The following RABGAP1L variants were observed in gnomAD, a reference collection of about 807,000 sequenced individuals.
RABGAP1L encodes RAB GTPase activating protein 1 like.
A neutral mutation model predicts 137.7 loss-of-function variants in RABGAP1L; 63 were observed. That is an observed-to-expected ratio of 0.46 (90% CI 0.37 to 0.56). The LOEUF is 0.56. RABGAP1L is among the 20% of genes least tolerant of loss of function. The pLI is 0.00. For missense variants in RABGAP1L, 1,095 were observed against 1,244.0 expected (o/e 0.88, Z 1.80); for synonymous variants, 431 against 433.7 (o/e 0.99, Z 0.08).
intron 13 of RABGAP1L, among the ~76,000 whole-genome samples, chr1:174,396,413 AC>A (rs1303308620): frequency 6.6e-6 from 1 of 152,076 alleles, no homozygotes; most frequent in Non-Finnish European, 1.5e-5. Context: ...TATCTTTTTT[AC>A]ATCCTATCTA....
At chr1:174,801,053 G>A (rs2987874) in intron 18 of RABGAP1L, among the ~76,000 whole-genome samples, 63,320 of 152,022 alleles carry the variant, frequency 0.42, 15,423 homozygotes, top group Non-Finnish European at 0.54. Context: ...GCTTAAAGCT[G>A]CTGGCTTCTG....
chr1:174,631,909 G>T (rs1260596592), intron 13 of RABGAP1L, among the ~76,000 whole-genome samples: 1 of 131,432 alleles, frequency 7.6e-6, no homozygotes, highest in East Asian at 2.2e-4. Context: ...AGTTAATATT[G>T]TTATGTGTGA....
At chr1:174,360,392 A>C (rs1166472207) in intron 11 of RABGAP1L, among the ~76,000 whole-genome samples, 2 of 152,194 alleles carry the variant, frequency 1.3e-5, no homozygotes, top group Non-Finnish European at 2.9e-5. Flanking sequence ...CTGAAACATA[A>C]TTGCTATTAA....
chr1:174,443,935 C>G (rs1004583017), intron 13 of RABGAP1L, among the ~76,000 whole-genome samples: 2 of 151,958 alleles, frequency 1.3e-5, no homozygotes, highest in Non-Finnish European at 2.9e-5. Flanking sequence ...ATGGAAGACA[C>G]TGTCTTTTCA....
rs1260538388 is a variant in RABGAP1L at position 174,434,104 on chromosome 1, CACAT to C, written c.1710+39963_1710+39966del. Among the ~76,000 whole-genome samples the C allele has an allele frequency of 2.0e-3, 270 of 135,050 alleles. 1 individual carries two copies. Among genetic ancestry groups the C allele is most frequent in the African/African-American group, 8.3e-3 (261 of 31,420 alleles). 88.6% of individuals were successfully genotyped at this position (135,050 alleles called of 152,430 possible). On this transcript the variant is annotated intron_variant, in intron 13 of 25. Coordinates refer to ENST00000681986, the MANE Select transcript of RABGAP1L (RefSeq NM_001366446.1). ...GTGTGCACATGAGCGCATGCGTGTACACATACACACACACACACACACACACACA... is the reference window on the plus strand; with the variant it reads ...GTGTGCACATGAGCGCATGCGTGTACACACACACACACACACACACACACA...
At chr1:174,511,626 G>GTTTTTT (rs774802995) in intron 13 of RABGAP1L, among the ~76,000 whole-genome samples, 1 of 139,938 alleles carries the variant, frequency 7.1e-6, no homozygotes, top group Non-Finnish European at 1.6e-5. Context: ...TCTTTCTTTT[G>GTTTTTT]TTTTTTTTTT....
intron 13 of RABGAP1L, among the ~76,000 whole-genome samples, chr1:174,402,084 C>T (rs868745520): frequency 2.6e-5 from 4 of 152,150 alleles, no homozygotes; most frequent in African/African-American, 7.2e-5. Flanking sequence ...AGATGCTAAA[C>T]GCTTCCTGAA....
intron 13 of RABGAP1L, among the ~76,000 whole-genome samples, chr1:174,538,838 A>G (rs950891855): frequency 6.6e-6 from 1 of 152,196 alleles, no homozygotes; most frequent in Admixed American, 6.5e-5. Context: ...ATGTTTATGT[A>G]TATGTAATCG....
chr1:174,310,030 C>T (rs1402075663), intron 11 of RABGAP1L, among the ~76,000 whole-genome samples: 1 of 134,914 alleles, frequency 7.4e-6, no homozygotes, highest in Non-Finnish European at 1.5e-5. Context: ...ATTACTGATC[C>T]AGTGTTATTA....
chr1:174,702,651 A>G (rs565676853), intron 17 of RABGAP1L, among the ~76,000 whole-genome samples: 10 of 152,260 alleles, frequency 6.6e-5, no homozygotes, highest in East Asian at 3.9e-4. Flanking sequence ...TATAATAACT[A>G]ATTTCTCAGT....
intron 11 of RABGAP1L, among the ~76,000 whole-genome samples, chr1:174,314,885 T>A (rs1466961063): frequency 6.6e-6 from 1 of 152,198 alleles, no homozygotes; most frequent in African/African-American, 2.4e-5. Context: ...TTTGGAATGT[T>A]TTAAAACTTA....
chr1:174,378,931 A>G (rs1358999798), intron 12 of RABGAP1L, among the ~76,000 whole-genome samples: 3 of 129,588 alleles, frequency 2.3e-5, no homozygotes, highest in African/African-American at 9.9e-5. Context: ...TCTAACGTTT[A>G]AATCTTTAAT....
intron 14 of RABGAP1L, among the ~76,000 whole-genome samples, chr1:174,678,783 T>C (rs980925719): frequency 6.6e-5 from 10 of 152,306 alleles, no homozygotes; most frequent in African/African-American, 2.2e-4. Flanking sequence ...TCCATTAGAA[T>C]GAACCCCAGG....
chr1:174,712,681 T>G (rs1680654620), intron 17 of RABGAP1L, among the ~76,000 whole-genome samples: 1 of 152,228 alleles, frequency 6.6e-6, no homozygotes, highest in Non-Finnish European at 1.5e-5. Flanking sequence ...CAGTAGCTAC[T>G]TTCTCTAAGA....
intron 11 of RABGAP1L, among the ~76,000 whole-genome samples, chr1:174,364,649 A>G (rs1433108623): frequency 2.0e-5 from 3 of 152,172 alleles, no homozygotes; most frequent in African/African-American, 7.2e-5. Flanking sequence ...ATGGTTGCTC[A>G]TAGTAGCCAC....
intron 19 of RABGAP1L, among the ~76,000 whole-genome samples, chr1:174,885,536 T>A (rs1431526517): frequency 6.6e-6 from 1 of 152,074 alleles, no homozygotes; most frequent in Non-Finnish European, 1.5e-5. Flanking sequence ...TTTTTATTTT[T>A]GTAGAGATGG....
At chr1:174,251,988 C>T (rs995092440) in intron 6 of RABGAP1L, among the ~76,000 whole-genome samples, 1 of 151,874 alleles carries the variant, frequency 6.6e-6, no homozygotes, top group African/African-American at 2.4e-5. Flanking sequence ...CCTCTGCCTC[C>T]TGGGTTCAAC....
intron 11 of RABGAP1L, among the ~76,000 whole-genome samples, chr1:174,352,740 T>C (rs1490622004): frequency 6.6e-6 from 1 of 152,210 alleles, no homozygotes; most frequent in Non-Finnish European, 1.5e-5. Context: ...ATGTATTCAA[T>C]GGGAATTGAG....
Position 174,448,341 on chromosome 1 carries a change from G to C in RABGAP1L, c.1710+54196G>C. 1.9e-6 allele frequency: 3 copies of C among 1,613,820 alleles called. No individual in the cohort carries two copies. The highest frequency in any genetic ancestry group is 2.5e-6 in the Non-Finnish European group (3 of 1,179,784). On this transcript the variant is annotated intron_variant, in intron 13 of 25. Transcript: ENST00000681986. This position sits in a 1 kb window ranked among gnomAD's most constrained non-coding sequence, Gnocchi z 4.2. ...CCACTGTTACATCATTATACTACCA[G>C]CTATTTCATTCAGACGATGGCATAT...
Sources: allele counts gnomAD v4.1 joint callset (sites outside exome capture counted in the v4.1 genomes callset), GRCh38; gene constraint gnomAD v4.1.1; non-coding constraint Gnocchi (gnomAD v3.1); transcripts MANE v1.5; gene names NCBI Gene and HGNC (gene_info 2026-07-23, HGNC 2026-07-21).